DYNLL2: variants seen among roughly 807,000 people sequenced by gnomAD.
DYNLL2 encodes dynein light chain 2, cytoplasmic.
A neutral mutation model predicts 9.7 loss-of-function variants in DYNLL2; 1 was observed. The observed-to-expected ratio is 0.10, with a 90% CI of 0.04 to 0.49. DYNLL2 has a LOEUF of 0.49. Ranked by LOEUF, DYNLL2 falls within the 20% of genes least tolerant of loss-of-function variation. The pLI is 0.95. For synonymous variants in DYNLL2, 35 were observed against 40.5 expected (o/e 0.86, Z 0.52); for missense variants, 37 against 115.2 (o/e 0.32, Z 3.11).
At position 58,087,100 on chromosome 17, in the gene DYNLL2, C is replaced by T. The variant is rs1210429168; in HGVS notation, c.10C>T (p.Arg4Trp). 1.9e-6 allele frequency: 3 copies of T among 1,614,100 alleles called. No homozygotes were observed. The highest frequency in any genetic ancestry group is 1.7e-6 in the Non-Finnish European group (2 of 1,180,014). Residue 4 changes from arginine to tryptophan, a missense_variant, in exon 2 of 3, where the codon CGG (arginine) becomes TGG (tryptophan). Transcript: ENST00000579991. MSD[R>W]KAVIKNADMS... ...TCTGTAGTGTCACACCATGTCTGACCGGAAGGCAGTGATCAAGAACGCAGA... is the reference window on the plus strand; with the variant it reads ...TCTGTAGTGTCACACCATGTCTGACTGGAAGGCAGTGATCAAGAACGCAGA...
In DYNLL2 at chr17:58,090,089, C is replaced by T; in HGVS notation, c.*810C>T. The T allele has an allele frequency of 1.3e-5, 5 of 394,620 alleles. No individual in the cohort carries two copies. Among genetic ancestry groups the T allele is most frequent in the East Asian group, 1.1e-4 (3 of 27,906 alleles). 24.4% of individuals were successfully genotyped at this position (394,620 alleles called of 1,614,324 possible). A position where few individuals can be genotyped will look rare whatever the true frequency, so the allele number is the denominator to read the frequency against. ...CTCCCTGCTTAGCCCTCAGTTTCCT[C>T]ATTCCTCTGGAGTTCTCTTAGAGCA... is the stretch of plus-strand genomic sequence containing the variant. On this transcript the variant is annotated 3_prime_UTR_variant, in exon 3 of 3. Coordinates refer to ENST00000579991, the MANE Select transcript of DYNLL2 (RefSeq NM_080677.3).
At chr17:58,084,675 C>T (rs763964410) in intron 1 of DYNLL2, among the ~76,000 whole-genome samples, 1 of 152,202 alleles carries the variant, frequency 6.6e-6, no homozygotes, top group Non-Finnish European at 1.5e-5. Flanking sequence ...ACCGCAGGCT[C>T]TTTCCTGGAG....
chr17:58,084,639 T>G (rs142737749), intron 1 of DYNLL2, among the ~76,000 whole-genome samples: 213 of 152,328 alleles, frequency 1.4e-3, no homozygotes, highest in African/African-American at 4.4e-3. Context: ...GGGGGGCCAT[T>G]GTAGTCGTAA....
Position 58,083,481 on chromosome 17 carries a change from TGA to T in DYNLL2, c.-210_-209del, listed in dbSNP as rs2075743502. ...GGAGCGGGCGGGCGGGCGGGCGGCGTGAGGCGGAGCGCGGGCGGCCGGCGAAA... is the reference window on the plus strand; with the variant it reads ...GGAGCGGGCGGGCGGGCGGGCGGCGTGGCGGAGCGCGGGCGGCCGGCGAAA... On this transcript the variant is annotated 5_prime_UTR_variant, in exon 1 of 3. Transcript: ENST00000579991. 1 of 146,764 alleles carries T rather than the reference TGA, an allele frequency of 6.8e-6. No individual in the cohort carries two copies. The highest frequency in any genetic ancestry group is 6.8e-5 in the Admixed American group (1 of 14,780). 9.1% of individuals were successfully genotyped at this position (146,764 alleles called of 1,614,324 possible).
Position 58,094,132 on chromosome 17 carries a change from T to C in DYNLL2, c.*4853T>C, listed in dbSNP as rs1350326813. On this transcript the variant is annotated 3_prime_UTR_variant, in exon 3 of 3. Transcript: ENST00000579991. ...AGAGAATGCAAACATGCAAAAACAG[T>C]GTGGTAGTGTAGGCAGAACAAGATC... 1 of 152,084 alleles carries C rather than the reference T, an allele frequency of 6.6e-6. No individual in the cohort carries two copies. Among genetic ancestry groups the C allele is most frequent in the African/African-American group, 2.4e-5 (1 of 41,402 alleles). 9.4% of individuals were successfully genotyped at this position (152,084 alleles called of 1,614,324 possible). A position where few individuals can be genotyped will look rare whatever the true frequency, so the allele number is the denominator to read the frequency against.
rs540814500 is a variant in DYNLL2 at position 58,091,119 on chromosome 17, T to C, written c.*1840T>C. 2.0e-5 allele frequency: 3 copies of C among 152,246 alleles called. No homozygotes were observed. The South Asian group carries it at 6.2e-4, about 32-fold the overall frequency. 9.4% of individuals were successfully genotyped at this position (152,246 alleles called of 1,614,324 possible). A position where few individuals can be genotyped will look rare whatever the true frequency, so the allele number is the denominator to read the frequency against. On this transcript the variant is annotated 3_prime_UTR_variant, in exon 3 of 3. Coordinates refer to ENST00000579991, the MANE Select transcript of DYNLL2 (RefSeq NM_080677.3). ...GTGTGGCCAGTTGAAAGTGTCTGGT[T>C]TGTGTTCATCTCTCCCTCATTTCTG...
chr17:58,095,464 C>G lies in DYNLL2; in HGVS notation c.*6185C>G, dbSNP rs1452722438. 1 of 152,182 alleles carries G rather than the reference C, an allele frequency of 6.6e-6. No homozygotes were observed. Among genetic ancestry groups the G allele is most frequent in the African/African-American group, 2.4e-5 (1 of 41,430 alleles). The allele number at this position is 152,182 out of a possible 1,614,324, so 9.4% of individuals were successfully genotyped here. On this transcript the variant is annotated 3_prime_UTR_variant, in exon 3 of 3. Transcript: ENST00000579991. ...AGCTACGGGGTTACCTTCCTTGAAG[C>G]AGTTAATGTTATGAGATTTTGTGTC...
chr17:58,087,303 G>A, intron 2 of DYNLL2, 81 bp downstream of exon 2: 1 of 1,575,072 alleles, frequency 6.3e-7, no homozygotes, highest in South Asian at 1.1e-5. Context: ...TGGAGCTGGG[G>A]ACATAAGAAA....
At chr17:58,084,516 C>G (rs937726080) in intron 1 of DYNLL2, among the ~76,000 whole-genome samples, 1 of 152,104 alleles carries the variant, frequency 6.6e-6, no homozygotes, top group Non-Finnish European at 1.5e-5. Context: ...AGGCCCAGGT[C>G]CCTTGCTTTT....
In DYNLL2 at chr17:58,091,583, T is replaced by A. The variant is rs1341536068; in HGVS notation, c.*2304T>A. On this transcript the variant is annotated 3_prime_UTR_variant, in exon 3 of 3. Transcript: ENST00000579991. ...CTTCAACTTTTGCCCAAAGCTCTTA[T>A]CTTTCATACTCCTCCCTTCTCGGCT... 6.6e-6 allele frequency: 1 copy of A among 152,348 alleles called. No individual in the cohort carries two copies. The highest frequency in any genetic ancestry group is 6.5e-5 in the Admixed American group (1 of 15,294). 9.4% of individuals were successfully genotyped at this position (152,348 alleles called of 1,614,324 possible).
intron 2 of DYNLL2, among the ~76,000 whole-genome samples, chr17:58,088,395 G>A (rs1230021889): frequency 2.0e-5 from 3 of 152,236 alleles, no homozygotes; most frequent in Non-Finnish European, 4.4e-5. Context: ...AGTTGGCAGC[G>A]TTGGTGGGCC....
intron 1 of DYNLL2, among the ~76,000 whole-genome samples, chr17:58,086,704 A>G (rs1391077540): frequency 6.6e-6 from 1 of 152,218 alleles, no homozygotes; most frequent in East Asian, 1.9e-4. Context: ...CTTAGTCCCC[A>G]TTTTACAGAT....
chr17:58,087,745 A>G (rs2075765484), intron 2 of DYNLL2, among the ~76,000 whole-genome samples: 2 of 152,202 alleles, frequency 1.3e-5, no homozygotes, highest in Non-Finnish European at 2.9e-5. Context: ...GCTCAAATAT[A>G]TAATTTTTAA....
In DYNLL2 at chr17:58,089,392, A is replaced by G; in HGVS notation, c.*113A>G. ...GGATGTCCTCTCCAATGGCTGTGCT[A>G]CTGCATGGACTGTATACTCGATTTC... On this transcript the variant is annotated 3_prime_UTR_variant, in exon 3 of 3. Coordinates refer to ENST00000579991, the MANE Select transcript of DYNLL2 (RefSeq NM_080677.3). The G allele has an allele frequency of 1.5e-6, 2 of 1,347,462 alleles. No individual in the cohort carries two copies. Among genetic ancestry groups the G allele is most frequent in the Non-Finnish European group, 2.0e-6 (2 of 980,900 alleles). The allele number at this position is 1,347,462 out of a possible 1,614,324, so 83.5% of individuals were successfully genotyped here.
At position 58,089,376 on chromosome 17, in the gene DYNLL2, C is replaced by G; in HGVS notation, c.*97C>G. On this transcript the variant is annotated 3_prime_UTR_variant, in exon 3 of 3. Coordinates refer to ENST00000579991, the MANE Select transcript of DYNLL2 (RefSeq NM_080677.3). ...ACTGGAGCCAGCATCAGGATGTCCT[C>G]TCCAATGGCTGTGCTACTGCATGGA... 6.8e-7 allele frequency: 1 copy of G among 1,475,908 alleles called. No homozygotes were observed. Among genetic ancestry groups the G allele is most frequent in the Non-Finnish European group, 9.2e-7 (1 of 1,082,976 alleles). The allele number at this position is 1,475,908 out of a possible 1,614,324, so 91.4% of individuals were successfully genotyped here.
chr17:58,084,470 G>A (rs2075750803), intron 1 of DYNLL2, among the ~76,000 whole-genome samples: 1 of 152,118 alleles, frequency 6.6e-6, no homozygotes, highest in South Asian at 2.1e-4. Context: ...TGAGGCTGCT[G>A]GCCTGGGGCC....
At position 58,094,210 on chromosome 17, in the gene DYNLL2, C is replaced by T. The variant is rs537093196; in HGVS notation, c.*4931C>T. On this transcript the variant is annotated 3_prime_UTR_variant, in exon 3 of 3. Coordinates refer to ENST00000579991, the MANE Select transcript of DYNLL2 (RefSeq NM_080677.3). ...TCAGCTCCAACACCCACTGGATGAA[C>T]GTGGACAAGCTGCTTGATCTCTCAG... The T allele has an allele frequency of 5.3e-5, 8 of 152,216 alleles. No individual in the cohort carries two copies. The highest frequency in any genetic ancestry group is 9.6e-5 in the African/African-American group (4 of 41,514). The allele number at this position is 152,216 out of a possible 1,614,324, so 9.4% of individuals were successfully genotyped here.
chr17:58,085,505 T>TGC (rs1224647854), intron 1 of DYNLL2, among the ~76,000 whole-genome samples: 1 of 151,440 alleles, frequency 6.6e-6, no homozygotes, highest in African/African-American at 2.4e-5. Flanking sequence ...CACAGAGGGG[T>TGC]GCTTTTAGGG....
In DYNLL2 at chr17:58,089,345, T is replaced by C; in HGVS notation, c.*66T>C. 1 of 1,583,422 alleles carries C rather than the reference T, an allele frequency of 6.3e-7. No homozygotes were observed. The highest frequency in any genetic ancestry group is 8.6e-7 in the Non-Finnish European group (1 of 1,161,542). On this transcript the variant is annotated 3_prime_UTR_variant, in exon 3 of 3. Transcript: ENST00000579991. ...CAAGCAGGCGGCGTTGCTGGGACTGTTTTGCACTGGAGCCAGCATCAGGAT... is the reference window on the plus strand; with the variant it reads ...CAAGCAGGCGGCGTTGCTGGGACTGCTTTGCACTGGAGCCAGCATCAGGAT...
Sources: gnomAD v4.1 joint callset for allele counts (sites outside exome capture counted in the v4.1 genomes callset) on GRCh38, gnomAD v4.1.1 for gene constraint, MANE v1.5 for transcripts, NCBI Gene and HGNC (gene_info 2026-07-23, HGNC 2026-07-21) for gene names.